Variants in CTTN observed in about 807,000 individuals in gnomAD.
CTTN encodes the protein src substrate cortactin.
Under a neutral mutation model 84.0 loss-of-function variants are expected in CTTN, and 28 were observed. That is an observed-to-expected ratio of 0.33 (90% CI 0.25 to 0.46). CTTN has a LOEUF of 0.46. CTTN is among the 20% of genes least tolerant of loss of function. The pLI is 1.00. For synonymous variants in CTTN, 301 were observed against 288.8 expected (o/e 1.04, Z -0.43); for missense variants, 641 against 723.8 (o/e 0.89, Z 1.31).
chr11:70,429,226 G>C (rs373490200), intron 14 of CTTN, 27 bp downstream of exon 14: 19 of 1,599,294 alleles, frequency 1.2e-5, no homozygotes, highest in Non-Finnish European at 1.4e-5. Context: ...GGGCCGCAGC[G>C]CACCCTCCCT....
chr11:70,403,186 CTTTTTTTTTTTT>C (rs1209259210), intron 1 of CTTN, among the ~76,000 whole-genome samples: 2 of 114,702 alleles, frequency 1.7e-5, no homozygotes, highest in South Asian at 2.7e-4. Context: ...ATAAGAGTTC[CTTTTTTTTTTTT>C]TTTTTTTTTG....
intron 14 of CTTN, 143 bp downstream of exon 14, chr11:70,429,342 C>T (rs1395834998): frequency 1.4e-5 from 12 of 881,822 alleles, no homozygotes; most frequent in Non-Finnish European, 2.1e-5. Flanking sequence ...TTAAGGCTCT[C>T]CATTAAGGCA....
chr11:70,433,639 T>G lies in CTTN; in HGVS notation c.1445-8T>G, dbSNP rs1431321762. 4 of 1,605,154 alleles carry G rather than the reference T, an allele frequency of 2.5e-6. No individual in the cohort carries two copies. The highest frequency in any genetic ancestry group is 1.1e-5 in the South Asian group (1 of 90,880). ...GTATTGTTCAGCTCTGTCATGGCTT[T>G]CTTTTAGAGGACAGCACCTACGATG... On this transcript the variant is annotated splice_polypyrimidine_tract_variant and splice_region_variant and intron_variant, in intron 16 of 17. Coordinates refer to ENST00000301843, the MANE Select transcript of CTTN (RefSeq NM_005231.4).
At chr11:70,411,464 C>T (rs2058095959) in intron 5 of CTTN, among the ~76,000 whole-genome samples, 1 of 152,200 alleles carries the variant, frequency 6.6e-6, no homozygotes, top group Non-Finnish European at 1.5e-5. Flanking sequence ...TCCATGTGTT[C>T]AGTGCAGTGA....
chr11:70,408,790 C>T (rs1020402194), intron 4 of CTTN, among the ~76,000 whole-genome samples: 1 of 152,170 alleles, frequency 6.6e-6, no homozygotes, highest in African/African-American at 2.4e-5. Context: ...CTCCGGTGGC[C>T]GTGCGGCTGC....
chr11:70,434,296 C>A (rs1009274893), intron 17 of CTTN, among the ~76,000 whole-genome samples: 4 of 152,204 alleles, frequency 2.6e-5, no homozygotes, highest in African/African-American at 9.6e-5. Flanking sequence ...CTCTGCTGGG[C>A]CGCATAGCAT....
chr11:70,423,109 G>A (rs373976752), intron 12 of CTTN, 114 bp downstream of exon 12: 548 of 1,276,494 alleles, frequency 4.3e-4, no homozygotes, highest in Admixed American at 2.2e-3. Flanking sequence ...AGTGATTTCC[G>A]TCGTGGTGGT....
chr11:70,402,768 A>G (rs1258023359), intron 1 of CTTN, among the ~76,000 whole-genome samples: 2 of 152,178 alleles, frequency 1.3e-5, no homozygotes, highest in East Asian at 1.9e-4. Flanking sequence ...TTTGGCTGCT[A>G]TGAATAGTGC....
rs951482025 is a variant in CTTN, at chr11:70,414,709, A to C, written c.402+57A>C. On this transcript the variant is annotated intron_variant, in intron 6 of 17. Transcript: ENST00000301843. Reference sequence around the variant, plus strand: ...TTGGGGCAAGGGGGGCGTTCCCCGTAGATCTGAGCCCTGTTGGGCCACTTG... The same window carrying C: ...TTGGGGCAAGGGGGGCGTTCCCCGTCGATCTGAGCCCTGTTGGGCCACTTG... The C allele has an allele frequency of 5.3e-6, 7 of 1,329,530 alleles. No individual in the cohort carries two copies. In the African/African-American group the frequency reaches 8.6e-5, roughly 16 times the overall value. 82.4% of individuals were successfully genotyped at this position (1,329,530 alleles called of 1,614,324 possible). A position where few individuals can be genotyped will look rare whatever the true frequency, so the allele number is the denominator to read the frequency against.
chr11:70,427,228 T>C (rs2135590000), intron 13 of CTTN, among the ~76,000 whole-genome samples: 1 of 152,182 alleles, frequency 6.6e-6, no homozygotes, highest in South Asian at 2.1e-4. Flanking sequence ...TCCACGCCTG[T>C]AATCCCAGCT....
At position 70,436,395 on chromosome 11, in the gene CTTN, C is replaced by T. The variant is rs759542068; in HGVS notation, c.*1233C>T. On this transcript the variant is annotated 3_prime_UTR_variant, in exon 18 of 18. Transcript: ENST00000301843. ...TGGAAATGTCTCGGGACTTGGGTCCCGGAGTGCCCGTGAAGCGTGTTTTTG... is the reference window on the plus strand; with the variant it reads ...TGGAAATGTCTCGGGACTTGGGTCCTGGAGTGCCCGTGAAGCGTGTTTTTG... 50 of 1,598,188 alleles carry T rather than the reference C, an allele frequency of 3.1e-5. No individual in the cohort carries two copies. The highest frequency in any genetic ancestry group is 1.4e-5 in the Non-Finnish European group (17 of 1,179,792).
At chr11:70,433,303 C>T in intron 16 of CTTN, 25 bp downstream of exon 16, 5 of 1,585,142 alleles carry the variant, frequency 3.2e-6, no homozygotes, top group Non-Finnish European at 4.3e-6. Context: ...CGCTGCAGCG[C>T]CCTGCCCAGG....
In CTTN at chr11:70,435,477, T is replaced by C; in HGVS notation, c.*315T>C. On this transcript the variant is annotated 3_prime_UTR_variant, in exon 18 of 18. Coordinates refer to ENST00000301843, the MANE Select transcript of CTTN (RefSeq NM_005231.4). ...CTGTCACGCGGCAGCTTCAGGGAGC[T>C]CGCATTCTCTTGTGTTCGTGTTGCC... The C allele has an allele frequency of 6.5e-7, 1 of 1,549,414 alleles. No homozygotes were observed. The highest frequency in any genetic ancestry group is 8.7e-7 in the Non-Finnish European group (1 of 1,154,514).
intron 13 of CTTN, 112 bp from the exon 14 acceptor site, chr11:70,428,939 G>A (rs182331157): frequency 7.5e-7 from 1 of 1,335,116 alleles, no homozygotes; most frequent in Non-Finnish European, 1.1e-6. Context: ...CTCCTTGGGG[G>A]TTAGGGGGAT....
At chr11:70,426,469 G>T (rs1157292940) in intron 13 of CTTN, among the ~76,000 whole-genome samples, 8 of 152,092 alleles carry the variant, frequency 5.3e-5, no homozygotes, top group Admixed American at 5.2e-4. Flanking sequence ...TTTGAGACCG[G>T]GTCTTGCTGT....
At chr11:70,400,119 A>C (rs1209564968) in intron 1 of CTTN, among the ~76,000 whole-genome samples, 1 of 152,214 alleles carries the variant, frequency 6.6e-6, no homozygotes, top group African/African-American at 2.4e-5. Flanking sequence ...TTTTGATATT[A>C]GGTCCCCTAG....
At chr11:70,415,990 C>G (rs2058154161) in intron 7 of CTTN, 1 of 415,758 alleles carries the variant, frequency 2.4e-6, no homozygotes, top group Admixed American at 4.0e-5. Flanking sequence ...GGGCTTCTCC[C>G]CCTTGTAGCG....
chr11:70,400,297 T>C (rs1274770019), intron 1 of CTTN, among the ~76,000 whole-genome samples: 1 of 152,018 alleles, frequency 6.6e-6, no homozygotes, highest in Non-Finnish European at 1.5e-5. Context: ...AGGGAGACCT[T>C]GTGTCTACAA....
At chr11:70,424,822 C>T (rs181423314) in intron 12 of CTTN, among the ~76,000 whole-genome samples, 1 of 152,224 alleles carries the variant, frequency 6.6e-6, no homozygotes, top group African/African-American at 2.4e-5. Flanking sequence ...CACAGTGAAA[C>T]TGGGTACGGC....
Sources: allele counts gnomAD v4.1 joint callset (sites outside exome capture counted in the v4.1 genomes callset), GRCh38; gene constraint gnomAD v4.1.1; transcripts MANE v1.5; gene names NCBI Gene and HGNC (gene_info 2026-07-23, HGNC 2026-07-21).